The following TRIM36 variants were observed in gnomAD, a reference collection of about 807,000 sequenced individuals.
TRIM36 encodes tripartite motif containing 36.
TRIM36 carries 42 observed loss-of-function variants against 72.4 expected under a neutral mutation model. The observed-to-expected ratio is 0.58, with a 90% CI of 0.45 to 0.75. The LOEUF is 0.75. Ranked by LOEUF, TRIM36 falls within the 30% of genes least tolerant of loss-of-function variation. The pLI is 0.00. For missense variants in TRIM36, 913 were observed against 857.1 expected (o/e 1.07, Z -0.81); for synonymous variants, 315 against 282.8 (o/e 1.11, Z -1.14).
intron 1 of TRIM36, among the ~76,000 whole-genome samples, chr5:115,164,965 G>C (rs988456938): frequency 2.0e-5 from 3 of 152,216 alleles, no homozygotes; most frequent in Admixed American, 6.5e-5. Context: ...AGGGGCTACA[G>C]GTCCCATGAA....
intron 1 of TRIM36, chr5:115,169,230 G>A (rs1281728719): frequency 9.3e-6 from 2 of 215,844 alleles, no homozygotes; most frequent in Non-Finnish European, 1.8e-5. Flanking sequence ...GACAAAGGGC[G>A]GCCCCGCAAG....
intron 2 of TRIM36, among the ~76,000 whole-genome samples, chr5:115,148,002 A>G (rs1753684076): frequency 1.3e-5 from 2 of 152,204 alleles, no homozygotes; most frequent in Admixed American, 6.5e-5. Flanking sequence ...CAACACTACA[A>G]TAGAAGCTTT....
chr5:115,140,957 T>C (rs187645087), intron 5 of TRIM36, among the ~76,000 whole-genome samples: 6 of 152,314 alleles, frequency 3.9e-5, no homozygotes, highest in Middle Eastern at 3.4e-3. Flanking sequence ...TTTTAAAATA[T>C]AATAAAAATA....
chr5:115,156,556 A>C (rs1481498816), intron 2 of TRIM36, among the ~76,000 whole-genome samples: 1 of 152,186 alleles, frequency 6.6e-6, no homozygotes, highest in Non-Finnish European at 1.5e-5. Flanking sequence ...ACAAAAACAG[A>C]AAAGTGGGTA....
At chr5:115,157,079 A>G (rs1457564175) in intron 2 of TRIM36, among the ~76,000 whole-genome samples, 1 of 152,108 alleles carries the variant, frequency 6.6e-6, no homozygotes, top group Non-Finnish European at 1.5e-5. Context: ...GTATTACTAT[A>G]TGATCAAGGA....
chr5:115,148,235 T>A (rs1753697214), intron 2 of TRIM36: 1 of 691,462 alleles, frequency 1.4e-6, no homozygotes, highest in Admixed American at 6.3e-5. Flanking sequence ...CAAATAATTT[T>A]ACAACATATA....
chr5:115,165,542 C>T (rs888756611), intron 1 of TRIM36, among the ~76,000 whole-genome samples: 2 of 152,212 alleles, frequency 1.3e-5, no homozygotes, highest in Non-Finnish European at 2.9e-5. Context: ...ACAACTGGTA[C>T]TGGAACAGCT....
intron 6 of TRIM36, 96 bp from the exon 7 acceptor site, chr5:115,137,220 C>A: frequency 6.8e-7 from 1 of 1,475,722 alleles, no homozygotes; most frequent in Non-Finnish European, 9.0e-7. Flanking sequence ...CCACACTTCA[C>A]TCAAAATTAA....
At chr5:115,128,548 C>T (rs1580632952) in intron 9 of TRIM36, among the ~76,000 whole-genome samples, 3 of 148,004 alleles carry the variant, frequency 2.0e-5, no homozygotes, top group Admixed American at 6.7e-5. Context: ...GTCAGGAGAT[C>T]GAGACCATCC....
chr5:115,130,646 G>C lies in TRIM36; in HGVS notation c.1742C>G (p.Ser581Cys), dbSNP rs143741495. The C allele has an allele frequency of 1.2e-6, 2 of 1,614,170 alleles. No homozygotes were observed. Among genetic ancestry groups the C allele is most frequent in the East Asian group, 2.2e-5 (1 of 44,884 alleles). The change falls in exon 9 of 10, where the codon TCT becomes TGT. Residue 581 changes from serine to cysteine, a missense_variant. Coordinates refer to ENST00000513154, the MANE Select transcript of TRIM36 (RefSeq NM_001300759.2). ...YSYLVKVGVA[S>C]SDKLQEWLRS... ...GAGCCATTCTTGTAGTTTATCGCTA[G>C]AAGCAACTCCCACTTTTACCAGGTA...
chr5:115,159,743 G>C (rs1754376254), intron 2 of TRIM36: 1 of 432,402 alleles, frequency 2.3e-6, no homozygotes, highest in Non-Finnish European at 4.5e-6. Flanking sequence ...GTTAACAAAA[G>C]AGAAAGCGGT....
intron 1 of TRIM36, chr5:115,177,967 T>C: frequency 7.8e-7 from 1 of 1,284,286 alleles, no homozygotes; most frequent in East Asian, 2.4e-5. Context: ...GTGAGCATAC[T>C]GTGATGAACC....
chr5:115,137,789 C>G (rs550663232), intron 5 of TRIM36, among the ~76,000 whole-genome samples, 173 bp from the exon 6 acceptor site: 35 of 152,252 alleles, frequency 2.3e-4, no homozygotes, highest in Non-Finnish European at 3.2e-4. Flanking sequence ...AAAGTTTTAT[C>G]TAACTCTGAA....
chr5:115,149,860 GC>G (rs1377823608), intron 2 of TRIM36, among the ~76,000 whole-genome samples: 1 of 151,996 alleles, frequency 6.6e-6, no homozygotes, highest in Non-Finnish European at 1.5e-5. Context: ...CCGGGTTCAC[GC>G]CATTCTCCTG....
rs142489287 is a variant in TRIM36 at position 115,127,043 on chromosome 5, C to T, written c.1797-186G>A. On this transcript the variant is annotated intron_variant, in intron 9 of 9. Transcript: ENST00000513154. The stretch of plus-strand genomic sequence containing the variant: ...TTTAGAATTATACCACAGACTCAGC[C>T]CCAAATTCCCTGTCATTAAACACTG... Among the ~76,000 whole-genome samples the T allele has an allele frequency of 3.4e-3, 510 of 152,182 alleles. 3 individuals are homozygous for T. Among genetic ancestry groups the T allele is most frequent in the African/African-American group, 0.012 (489 of 41,524 alleles).
At position 115,163,279 on chromosome 5, in the gene TRIM36, G is replaced by A. The variant is rs551931587; in HGVS notation, c.262+239C>T. Among the ~76,000 whole-genome samples, 5 of 152,216 alleles carry A rather than the reference G, an allele frequency of 3.3e-5. No homozygotes were observed. The South Asian group carries it at 1.0e-3, about 32-fold the overall frequency. On this transcript the variant is annotated intron_variant, in intron 2 of 9. Coordinates refer to ENST00000513154, the MANE Select transcript of TRIM36 (RefSeq NM_001300759.2). ...GACTTACAAACACAGTTAATAAGGA[G>A]TTTAACACAAAGTTCATGTTCAATA...
chr5:115,164,739 A>G (rs535682609), intron 1 of TRIM36, among the ~76,000 whole-genome samples: 3 of 152,216 alleles, frequency 2.0e-5, no homozygotes, highest in Non-Finnish European at 4.4e-5. Flanking sequence ...CTCACATTTC[A>G]AAACCAATCA....
At chr5:115,145,256 CAAAT>C (rs1753523360) in intron 3 of TRIM36, among the ~76,000 whole-genome samples, 1 of 152,166 alleles carries the variant, frequency 6.6e-6, no homozygotes, top group African/African-American at 2.4e-5. Context: ...TTTCCTTTTA[CAAAT>C]TAATTACAAA....
intron 2 of TRIM36, among the ~76,000 whole-genome samples, chr5:115,154,081 C>T (rs1450268011): frequency 2.1e-5 from 3 of 141,456 alleles, no homozygotes; most frequent in Non-Finnish European, 3.1e-5. Context: ...CCTGAATGAG[C>T]ACAGGGTCAA....
Sources: allele counts gnomAD v4.1 joint callset (sites outside exome capture counted in the v4.1 genomes callset), GRCh38; gene constraint gnomAD v4.1.1; transcripts MANE v1.5; gene names NCBI Gene and HGNC (gene_info 2026-07-23, HGNC 2026-07-21).